The following SPECC1L variants were observed in gnomAD, a reference collection of about 807,000 sequenced individuals.
SPECC1L encodes the protein cytospin-A.
In SPECC1L, 40 loss-of-function variants were observed where a neutral mutation model predicts 116.8. That is an observed-to-expected ratio of 0.34 (90% CI 0.27 to 0.45). SPECC1L has a LOEUF of 0.45. Among genes scored for constraint, SPECC1L ranks in the 20% least tolerant of loss-of-function variants. SPECC1L has a pLI of 1.00. For synonymous variants in SPECC1L, 504 were observed against 500.6 expected, an observed-to-expected ratio of 1.01 and a Z score of -0.09; for missense variants, 1,110 against 1,373.6, an observed-to-expected ratio of 0.81 and a Z score of 3.03.
At chr22:24,337,223 T>C (rs140513069) in intron 9 of SPECC1L, among the ~76,000 whole-genome samples, 6 of 152,328 alleles carry the variant, frequency 3.9e-5, no homozygotes, top group African/African-American at 1.4e-4. Flanking sequence ...CAAAATGTGG[T>C]ATATTCATAC....
chr22:24,291,411 A>T (rs1171630247), intron 2 of SPECC1L, among the ~76,000 whole-genome samples: 1 of 152,288 alleles, frequency 6.6e-6, no homozygotes, highest in East Asian at 1.9e-4. Context: ...AGTGTACTCC[A>T]TACTATGTAT....
intron 14 of SPECC1L, among the ~76,000 whole-genome samples, chr22:24,396,821 C>A (rs1389609169): frequency 6.6e-6 from 1 of 152,126 alleles, no homozygotes; most frequent in Non-Finnish European, 1.5e-5. Context: ...CTGTACCCTA[C>A]CCTACTGTGT....
intron 1 of SPECC1L, among the ~76,000 whole-genome samples, chr22:24,273,784 G>GT (rs1380797813): frequency 3.3e-5 from 5 of 152,180 alleles, no homozygotes; most frequent in Non-Finnish European, 4.4e-5. Flanking sequence ...TTTTGAGACA[G>GT]TTTCGCTCTT....
chr22:24,373,321 A>G (rs1317916812), intron 14 of SPECC1L, among the ~76,000 whole-genome samples: 5 of 152,374 alleles, frequency 3.3e-5, no homozygotes, highest in Admixed American at 6.5e-5. Context: ...TGCCAAGTCA[A>G]TCCTAAGCCA....
intron 3 of SPECC1L, among the ~76,000 whole-genome samples, chr22:24,304,691 A>G (rs1425262066): frequency 6.6e-6 from 1 of 152,244 alleles, no homozygotes; most frequent in African/African-American, 2.4e-5. Flanking sequence ...TAAAAATTAC[A>G]GACATGAATT....
chr22:24,338,682 T>C (rs2041111638), intron 10 of SPECC1L, among the ~76,000 whole-genome samples: 1 of 152,250 alleles, frequency 6.6e-6, no homozygotes, highest in Admixed American at 6.5e-5. Flanking sequence ...TGATAGACTC[T>C]AATAATGATG....
intron 14 of SPECC1L, among the ~76,000 whole-genome samples, chr22:24,379,022 A>G (rs2042016709): frequency 6.6e-6 from 1 of 152,150 alleles, no homozygotes; most frequent in Non-Finnish European, 1.5e-5. Flanking sequence ...ATGAAGTACC[A>G]TCTGAGGTGT....
intron 2 of SPECC1L, among the ~76,000 whole-genome samples, chr22:24,280,471 T>C (rs1488171144): frequency 4.6e-5 from 7 of 151,808 alleles, no homozygotes; most frequent in Non-Finnish European, 8.8e-5. Flanking sequence ...GTTTTAGTCA[T>C]TGAAGACCTT....
In SPECC1L at chr22:24,294,420, T is replaced by C. The variant is rs576211082; in HGVS notation, c.-37-7775T>C. 2.9e-4 allele frequency among the ~76,000 whole-genome samples: 44 copies of C among 151,232 alleles called. 2 individuals are homozygous for C. The highest frequency in any genetic ancestry group is 2.3e-3 in the East Asian group (12 of 5,182). ...TTTTTGAGATGGAGTCTCACTTTGT[T>C]GCCCAGGCTGGAGTGCAGCGGCACG... On this transcript the variant is annotated intron_variant, in intron 2 of 16. Transcript: ENST00000314328.
chr22:24,361,985 A>G (rs929844350), intron 11 of SPECC1L, among the ~76,000 whole-genome samples: 2 of 152,190 alleles, frequency 1.3e-5, no homozygotes, highest in South Asian at 2.1e-4. Context: ...ACATCATTAT[A>G]TTTTTAGGAG....
At chr22:24,379,520 T>G (rs1449279137) in intron 14 of SPECC1L, among the ~76,000 whole-genome samples, 2 of 152,228 alleles carry the variant, frequency 1.3e-5, no homozygotes, top group Admixed American at 6.5e-5. Context: ...CCTTAATATA[T>G]AGAGAGAAAT....
chr22:24,372,411 G>A (rs2041889927), intron 14 of SPECC1L, among the ~76,000 whole-genome samples: 1 of 151,868 alleles, frequency 6.6e-6, no homozygotes. Flanking sequence ...AAATCCAGCT[G>A]CTGCTGGATC....
chr22:24,286,557 G>C (rs1289212937), intron 2 of SPECC1L, among the ~76,000 whole-genome samples: 1 of 152,100 alleles, frequency 6.6e-6, no homozygotes, highest in Non-Finnish European at 1.5e-5. Flanking sequence ...ATGACATTTT[G>C]AATTTGAAAG....
intron 14 of SPECC1L, among the ~76,000 whole-genome samples, chr22:24,386,855 C>T (rs1175983983): frequency 1.3e-5 from 2 of 152,176 alleles, no homozygotes; most frequent in Non-Finnish European, 2.9e-5. Flanking sequence ...CAGCCCACCT[C>T]GGCCTCCTAA....
intron 14 of SPECC1L, among the ~76,000 whole-genome samples, chr22:24,377,306 G>A (rs144645344): frequency 4.2e-4 from 64 of 152,104 alleles, no homozygotes; most frequent in African/African-American, 1.4e-3. Flanking sequence ...AAATGTCACT[G>A]TTAAGAACTT....
intron 4 of SPECC1L, among the ~76,000 whole-genome samples, chr22:24,316,881 G>A (rs1274583364): frequency 1.6e-5 from 2 of 126,658 alleles, no homozygotes; most frequent in Admixed American, 8.2e-5. Flanking sequence ...CTCACCTCCT[G>A]GATGGGGCGG....
At chr22:24,413,299 G>A (rs1053268844) in intron 16 of SPECC1L, among the ~76,000 whole-genome samples, 3 of 152,122 alleles carry the variant, frequency 2.0e-5, no homozygotes, top group Non-Finnish European at 4.4e-5. Flanking sequence ...CCAACTTTCC[G>A]GGAGAAAACA....
At chr22:24,393,589 A>C (rs899545909) in intron 14 of SPECC1L, among the ~76,000 whole-genome samples, 4 of 152,190 alleles carry the variant, frequency 2.6e-5, no homozygotes, top group African/African-American at 9.7e-5. Flanking sequence ...CATTCAGTTA[A>C]AAAGCTCTAA....
intron 14 of SPECC1L, among the ~76,000 whole-genome samples, chr22:24,407,741 T>C (rs948068282): frequency 6.6e-6 from 1 of 152,168 alleles, no homozygotes; most frequent in Non-Finnish European, 1.5e-5. Context: ...TAATAGACTT[T>C]TTCCTCTGCA....
Sources: gnomAD v4.1 joint callset for allele counts (sites outside exome capture counted in the v4.1 genomes callset) on GRCh38, gnomAD v4.1.1 for gene constraint, MANE v1.5 for transcripts, NCBI Gene and HGNC (gene_info 2026-07-23, HGNC 2026-07-21) for gene names.